Variants in ACAD10 observed in about 807,000 individuals in gnomAD.
The protein encoded by ACAD10 is acyl-CoA dehydrogenase family member 10.
A neutral mutation model predicts 116.8 loss-of-function variants in ACAD10; 112 were observed. The ratio of observed to expected loss-of-function variants is 0.96; its 90% CI spans 0.82 to 1.12. The LOEUF (loss-of-function observed/expected upper bound fraction) is 1.12, where lower values mean the gene tolerates loss of function less well. Among genes scored for constraint, ACAD10 ranks in the 50% most tolerant of loss-of-function variants. The pLI, the probability that ACAD10 is intolerant of heterozygous loss-of-function variation, is 0.00. For synonymous variants in ACAD10, 486 were observed against 510.6 expected, an observed-to-expected ratio of 0.95 and a Z score of 0.65; for missense variants, 1,259 against 1,350.2, an observed-to-expected ratio of 0.93 and a Z score of 1.06.
intron 1 of ACAD10, 69 bp from the exon 2 acceptor site, chr12:111,692,628 G>T: frequency 6.7e-7 from 1 of 1,502,064 alleles, no homozygotes; most frequent in Admixed American, 1.9e-5. Context: ...GCCCCTCTGA[G>T]CTCCAGGATG....
chr12:111,749,593 G>A, intron 18 of ACAD10: 1 of 475,680 alleles, frequency 2.1e-6, no homozygotes, highest in Non-Finnish European at 3.5e-6. Context: ...TAGCAGCAGA[G>A]GCAAGGTTCC....
At chr12:111,750,554 C>G (rs1285891858) in intron 18 of ACAD10, among the ~76,000 whole-genome samples, 1 of 152,094 alleles carries the variant, frequency 6.6e-6, no homozygotes, top group Non-Finnish European at 1.5e-5. Flanking sequence ...CCACTGCACT[C>G]CAGCCTGGGT....
At chr12:111,688,661 T>G (rs1236576148) in intron 1 of ACAD10, among the ~76,000 whole-genome samples, 2 of 151,738 alleles carry the variant, frequency 1.3e-5, no homozygotes, top group Non-Finnish European at 2.9e-5. Flanking sequence ...AAAAATTAGC[T>G]GGATGTGGTG....
Position 111,756,544 on chromosome 12 carries a change from C to A in ACAD10, c.*71C>A, listed in dbSNP as rs902307592. On this transcript the variant is annotated 3_prime_UTR_variant, in exon 21 of 21. Coordinates refer to ENST00000313698, the MANE Select transcript of ACAD10 (RefSeq NM_025247.6). ...GCCCAGATCTGTCACTGATGTGCCTCGAAAGATCCGGTGTTTGTGGCTCCT... is the reference window on the plus strand; with the variant it reads ...GCCCAGATCTGTCACTGATGTGCCTAGAAAGATCCGGTGTTTGTGGCTCCT... 1.3e-6 allele frequency: 2 copies of A among 1,578,528 alleles called. No individual in the cohort carries two copies. The highest frequency in any genetic ancestry group is 1.3e-5 in the African/African-American group (1 of 74,260).
At chr12:111,718,817 T>C (rs1297637866) in intron 7 of ACAD10, among the ~76,000 whole-genome samples, 1 of 151,918 alleles carries the variant, frequency 6.6e-6, no homozygotes, top group Non-Finnish European at 1.5e-5. Flanking sequence ...AATATATAAC[T>C]TTTAAGGCTG....
chr12:111,744,917 C>CA lies in ACAD10; in HGVS notation c.1990dup (p.Arg664LysfsTer48). The CA allele has an allele frequency of 1.2e-6, 2 of 1,614,174 alleles. No homozygotes were observed. The highest frequency in any genetic ancestry group is 1.7e-6 in the Non-Finnish European group (2 of 1,180,032). ...CTCCAGAGAGCCTCTCTCCACCTGT[C>CA]AGAGAGCTGTATCACCGGCTGAAGC... is the stretch of plus-strand genomic sequence containing the variant. On this transcript the variant is annotated frameshift_variant, in exon 13 of 21. Transcript: ENST00000313698. LOFTEE classifies it high-confidence loss of function.
chr12:111,755,006 T>C (rs1315462798), intron 19 of ACAD10, among the ~76,000 whole-genome samples: 1 of 152,230 alleles, frequency 6.6e-6, no homozygotes, highest in Non-Finnish European at 1.5e-5. Flanking sequence ...CAGCGAGACC[T>C]TGGGGCCTCT....
rs1355329167 is a variant in ACAD10, at chr12:111,756,698, C to A, written c.*225C>A. The stretch of plus-strand genomic sequence containing the variant: ...CCAGGAGGAGGGGATTTGCTGAGGG[C>A]CAAGGGGGTTCTGGGACAGAGTCTG... On this transcript the variant is annotated 3_prime_UTR_variant, in exon 21 of 21. Coordinates refer to ENST00000313698, the MANE Select transcript of ACAD10 (RefSeq NM_025247.6). The A allele has an allele frequency of 3.9e-6, 3 of 761,576 alleles. No individual in the cohort carries two copies. In the African/African-American group the frequency reaches 5.2e-5, roughly 13 times the overall value. 47.2% of individuals were successfully genotyped at this position (761,576 alleles called of 1,614,324 possible).
At chr12:111,726,505 A>G (rs1889216694) in intron 8 of ACAD10, among the ~76,000 whole-genome samples, 1 of 152,122 alleles carries the variant, frequency 6.6e-6, no homozygotes, top group Admixed American at 6.6e-5. Context: ...AGTAACAAAT[A>G]CCCTGGAAGC....
intron 8 of ACAD10, among the ~76,000 whole-genome samples, chr12:111,722,303 A>T (rs1251684876): frequency 6.6e-6 from 1 of 152,160 alleles, no homozygotes; most frequent in Non-Finnish European, 1.5e-5. Flanking sequence ...ACCTCACGTG[A>T]TCCACCCACT....
intron 7 of ACAD10, among the ~76,000 whole-genome samples, chr12:111,717,768 T>G (rs1459728593): frequency 6.6e-6 from 1 of 152,078 alleles, no homozygotes; most frequent in African/African-American, 2.4e-5. Context: ...CTATATTGCC[T>G]GAACTCTTGG....
chr12:111,724,076 G>A (rs1374755259), intron 8 of ACAD10, among the ~76,000 whole-genome samples: 2 of 150,470 alleles, frequency 1.3e-5, no homozygotes, highest in Non-Finnish European at 3.0e-5. Context: ...GATGGCGGCC[G>A]GGAAGAGGTG....
intron 1 of ACAD10, among the ~76,000 whole-genome samples, chr12:111,690,013 CCTTA>C (rs1460842251): frequency 3.9e-5 from 6 of 152,324 alleles, no homozygotes; most frequent in Non-Finnish European, 7.3e-5. Context: ...CTGCACCCGG[CCTTA>C]CTTCGAATAT....
chr12:111,752,933 T>C (rs988728778), intron 18 of ACAD10: 3 of 151,780 alleles, frequency 2.0e-5, no homozygotes, highest in Admixed American at 2.0e-4. Flanking sequence ...TGCCTGAGTC[T>C]AAGAGTTTGA....
At chr12:111,728,946 G>A (rs1459761564) in intron 9 of ACAD10, among the ~76,000 whole-genome samples, 2 of 152,162 alleles carry the variant, frequency 1.3e-5, no homozygotes, top group Admixed American at 1.3e-4. Context: ...CTCCCAAAGT[G>A]TTGGGATTAC....
At chr12:111,732,344 G>GAAA (rs915869656) in intron 10 of ACAD10, among the ~76,000 whole-genome samples, 1 of 152,024 alleles carries the variant, frequency 6.6e-6, no homozygotes, top group East Asian at 1.9e-4. Flanking sequence ...AATCGAAGTA[G>GAAA]AAAAAAGTTT....
intron 5 of ACAD10, chr12:111,710,027 C>T (rs1446514457): frequency 1.2e-5 from 4 of 338,668 alleles, no homozygotes; most frequent in African/African-American, 4.4e-5. Context: ...GCAGGCCATG[C>T]AGCTCACTGC....
chr12:111,754,442 T>C (rs1260635579), intron 19 of ACAD10, among the ~76,000 whole-genome samples: 2 of 152,084 alleles, frequency 1.3e-5, no homozygotes, highest in Admixed American at 1.3e-4. Context: ...CAAACCTCCA[T>C]GCCCAGCTAA....
In ACAD10 at chr12:111,756,023, T is replaced by G. The variant is rs796887116; in HGVS notation, c.3039+278T>G. 2.7e-5 allele frequency: 24 copies of G among 879,644 alleles called. No individual in the cohort carries two copies. The African/African-American group carries it at 3.7e-4, about 14-fold the overall frequency. The allele number at this position is 879,644 out of a possible 1,614,324, so 54.5% of individuals were successfully genotyped here. A position where few individuals can be genotyped will look rare whatever the true frequency, so the allele number is the denominator to read the frequency against. On this transcript the variant is annotated intron_variant, in intron 20 of 20. Coordinates refer to ENST00000313698, the MANE Select transcript of ACAD10 (RefSeq NM_025247.6). ...TAGCTGACCTCAAATTCACATGAAC[T>G]TGGGTTTTCATAAGCCCAGAGCCCA...
Sources: gnomAD v4.1 joint callset for allele counts (sites outside exome capture counted in the v4.1 genomes callset) on GRCh38, gnomAD v4.1.1 for gene constraint, MANE v1.5 for transcripts, NCBI Gene and HGNC (gene_info 2026-07-23, HGNC 2026-07-21) for gene names.